Variants in KAZN observed in about 807,000 individuals in gnomAD.
KAZN encodes the protein kazrin, periplakin interacting protein.
Under a neutral mutation model 87.4 loss-of-function variants are expected in KAZN, and 40 were observed. The ratio of observed to expected loss-of-function variants is 0.46; its 90% CI spans 0.36 to 0.60. KAZN has a LOEUF of 0.60. Among genes scored for constraint, KAZN ranks in the 20% least tolerant of loss-of-function variants. The probability of loss-of-function intolerance (pLI) is 0.00; values close to 1 mark genes in which losing one functional copy is unlikely to be tolerated. For synonymous variants in KAZN, 466 were observed against 458.3 expected (o/e 1.02, Z -0.22); for missense variants, 898 against 1,073.9 (o/e 0.84, Z 2.29).
chr1:14,801,528 G>A (rs375916685), intron 1 of KAZN, among the ~76,000 whole-genome samples: 4 of 152,014 alleles, frequency 2.6e-5, no homozygotes, highest in Admixed American at 1.3e-4. Flanking sequence ...ACACCTCCCC[G>A]GGAAGGAGCA....
intron 1 of KAZN, among the ~76,000 whole-genome samples, chr1:13,913,158 T>G (rs1639715301): frequency 6.6e-6 from 1 of 152,074 alleles, no homozygotes; most frequent in South Asian, 2.1e-4. Context: ...AGACAAGGTG[T>G]TCTAGGGCAT....
At chr1:14,373,960 T>C (rs569540939) in intron 2 of KAZN, among the ~76,000 whole-genome samples, 8 of 152,206 alleles carry the variant, frequency 5.3e-5, no homozygotes, top group Non-Finnish European at 1.2e-4. Context: ...GGTAGTACTT[T>C]TGCCAGGGAG....
At chr1:14,747,000 T>TC (rs1227564118) in intron 1 of KAZN, among the ~76,000 whole-genome samples, 1 of 152,080 alleles carries the variant, frequency 6.6e-6, no homozygotes, top group Non-Finnish European at 1.5e-5. Context: ...CCATCCCTTG[T>TC]CCCCCCAGCC....
At chr1:14,616,388 G>A (rs1323456738) in intron 1 of KAZN, among the ~76,000 whole-genome samples, 7 of 151,712 alleles carry the variant, frequency 4.6e-5, no homozygotes, top group Non-Finnish European at 1.0e-4. Context: ...TTCTGAAACA[G>A]ACAAGCTGGA....
intron 1 of KAZN, among the ~76,000 whole-genome samples, chr1:14,614,168 C>T (rs371620965): frequency 8.5e-5 from 13 of 152,198 alleles, no homozygotes; most frequent in East Asian, 5.8e-4. Context: ...TCCGTCATAT[C>T]ATTTTCTCAT....
chr1:14,150,458 T>C (rs1645447697), intron 1 of KAZN, among the ~76,000 whole-genome samples: 1 of 152,224 alleles, frequency 6.6e-6, no homozygotes, highest in South Asian at 2.1e-4. Flanking sequence ...CAAAGAACCA[T>C]CTGCCCCCAG....
At chr1:14,534,267 A>G (rs1672362260) in intron 2 of KAZN, among the ~76,000 whole-genome samples, 1 of 152,212 alleles carries the variant, frequency 6.6e-6, no homozygotes, top group South Asian at 2.1e-4. Context: ...TGACACATGA[A>G]TAGAAACATA....
At chr1:14,679,572 G>A (rs1640446875) in intron 1 of KAZN, among the ~76,000 whole-genome samples, 1 of 152,080 alleles carries the variant, frequency 6.6e-6, no homozygotes, top group African/African-American at 2.4e-5. Flanking sequence ...CCCTCCCCAG[G>A]TCTGAAAGGC....
At chr1:14,353,138 C>T (rs1180395885) in intron 2 of KAZN, among the ~76,000 whole-genome samples, 1 of 151,924 alleles carries the variant, frequency 6.6e-6, no homozygotes, top group Non-Finnish European at 1.5e-5. Flanking sequence ...TGGCCAAAGT[C>T]CTAGCTGGTG....
At chr1:14,963,354 C>T (rs1664104823) in intron 2 of KAZN, among the ~76,000 whole-genome samples, 1 of 152,218 alleles carries the variant, frequency 6.6e-6, no homozygotes, top group Non-Finnish European at 1.5e-5. Context: ...CAGGTGGAGA[C>T]ACCTGAATGA....
intron 2 of KAZN, among the ~76,000 whole-genome samples, chr1:14,467,509 T>TAAAC (rs1668229569): frequency 6.6e-6 from 1 of 151,984 alleles, no homozygotes; most frequent in African/African-American, 2.4e-5. Context: ...GTAAATGGGT[T>TAAAC]AAACACTCTA....
At chr1:14,121,274 C>A (rs1261175241) in intron 1 of KAZN, among the ~76,000 whole-genome samples, 4 of 152,170 alleles carry the variant, frequency 2.6e-5, no homozygotes, top group African/African-American at 9.7e-5. Flanking sequence ...CCTTAAAAAC[C>A]TCTTCTGTTG....
chr1:15,099,153 C>T lies in KAZN; in HGVS notation c.1548-2390C>T, dbSNP rs1445990973. 3.9e-5 allele frequency among the ~76,000 whole-genome samples: 6 copies of T among 152,214 alleles called. No homozygotes were observed. The East Asian group carries it at 7.7e-4, about 20-fold the overall frequency. ...GACAGGCCCGGAGACAAGGGGGTCC[C>T]AGTGGACCCAAGTGGTTCTGGGAGG... is the stretch of plus-strand genomic sequence containing the variant. On this transcript the variant is annotated intron_variant, in intron 10 of 14. Transcript: ENST00000376030. The surrounding 1 kb of genome is among the most constrained non-coding windows in gnomAD (Gnocchi z 5.4).
chr1:14,587,387 G>GATT (rs1358072313), intron 2 of KAZN, among the ~76,000 whole-genome samples: 1 of 148,942 alleles, frequency 6.7e-6, no homozygotes, highest in African/African-American at 2.5e-5. Context: ...AGTGAGCCGA[G>GATT]ATTGTGCCAC....
chr1:14,280,886 T>C (rs1652796199), intron 2 of KAZN, among the ~76,000 whole-genome samples: 1 of 152,210 alleles, frequency 6.6e-6, no homozygotes, highest in Non-Finnish European at 1.5e-5. Flanking sequence ...GGTACTGTTA[T>C]GATTCCTATT....
At chr1:14,444,674 G>A (rs569475401) in intron 2 of KAZN, among the ~76,000 whole-genome samples, 53 of 152,086 alleles carry the variant, frequency 3.5e-4, no homozygotes, top group Admixed American at 2.6e-3. Context: ...GGGTAGAATC[G>A]GGGTTCTTCA....
chr1:14,698,901 G>A lies in KAZN; in HGVS notation c.226+99678G>A, dbSNP rs1311968844. ...ACCACTAGTTCTCCTTGGAAAAAGA[G>A]AAAGTGGACAAGTTTAGCTGGCTCC... is the stretch of plus-strand genomic sequence containing the variant. On this transcript the variant is annotated intron_variant, in intron 1 of 14. Coordinates refer to ENST00000376030, the MANE Select transcript of KAZN (RefSeq NM_201628.3). Among the ~76,000 whole-genome samples the A allele has an allele frequency of 3.0e-4, 45 of 152,258 alleles. 1 individual carries two copies. The highest frequency in any genetic ancestry group is 3.7e-4 in the Non-Finnish European group (25 of 68,044).
At chr1:14,988,761 G>A (rs902502966) in intron 2 of KAZN, among the ~76,000 whole-genome samples, 1 of 152,162 alleles carries the variant, frequency 6.6e-6, no homozygotes, top group African/African-American at 2.4e-5. Context: ...GGTCAGATGT[G>A]CGGCTCAGCT....
intron 8 of KAZN, among the ~76,000 whole-genome samples, chr1:15,088,964 C>A (rs985864450): frequency 6.6e-6 from 1 of 152,058 alleles, no homozygotes; most frequent in Non-Finnish European, 1.5e-5. Flanking sequence ...AAATAAATAA[C>A]CCACACACAC....
Sources: allele counts gnomAD v4.1 joint callset (sites outside exome capture counted in the v4.1 genomes callset), GRCh38; gene constraint gnomAD v4.1.1; non-coding constraint Gnocchi (gnomAD v3.1); transcripts MANE v1.5; gene names NCBI Gene and HGNC (gene_info 2026-07-23, HGNC 2026-07-21).